The following ANK2 variants were observed in gnomAD, a reference collection of about 807,000 sequenced individuals.
ANK2 encodes the protein ankyrin 2, also known as ankyrin-2.
Under a neutral mutation model 360.5 loss-of-function variants are expected in ANK2, and 83 were observed. The observed-to-expected ratio is 0.23, with a 90% confidence interval of 0.19 to 0.28. The LOEUF (loss-of-function observed/expected upper bound fraction) is 0.28, where lower values mean the gene tolerates loss of function less well. Ranked by LOEUF, ANK2 falls within the 10% of genes least tolerant of loss-of-function variation. The probability of loss-of-function intolerance (pLI) is 1.00; values close to 1 mark genes in which losing one functional copy is unlikely to be tolerated. For synonymous variants in ANK2, 1,740 were observed against 1,759.5 expected (o/e 0.99, Z 0.28); for missense variants, 4,201 against 4,795.7 (o/e 0.88, Z 3.66).
chr4:113,311,136 C>A (rs2079745599), intron 23 of ANK2, 119 bp from the exon 24 acceptor site: 1 of 1,220,224 alleles, frequency 8.2e-7, no homozygotes, highest in Non-Finnish European at 1.2e-6. Context: ...TTCTAGTGTG[C>A]AGTGCAGTTT....
chr4:113,152,953 A>G (rs1377987707), intron 1 of ANK2, among the ~76,000 whole-genome samples: 5 of 152,194 alleles, frequency 3.3e-5, no homozygotes, highest in African/African-American at 4.8e-5. Context: ...AATAATTTCA[A>G]TGGTGGCTTT....
intron 2 of ANK2, among the ~76,000 whole-genome samples, chr4:112,942,998 C>A (rs1283077905): frequency 2.0e-5 from 3 of 152,008 alleles, no homozygotes; most frequent in East Asian, 3.9e-4. Flanking sequence ...AACTTGGTAA[C>A]CATCAATCGC....
intron 2 of ANK2, among the ~76,000 whole-genome samples, chr4:113,181,868 T>G (rs1280399670): frequency 6.6e-6 from 1 of 152,156 alleles, no homozygotes; most frequent in East Asian, 1.9e-4. Context: ...TTGGGTCATG[T>G]AAGGCCTTGT....
At chr4:113,250,434 A>G (rs1044654547) in intron 10 of ANK2, among the ~76,000 whole-genome samples, 1 of 152,218 alleles carries the variant, frequency 6.6e-6, no homozygotes, top group Middle Eastern at 3.2e-3. Context: ...TACTACATCT[A>G]GCCCTTTTTC....
At chr4:112,977,551 TTTTA>T (rs1388307129) in intron 2 of ANK2, among the ~76,000 whole-genome samples, 4 of 151,494 alleles carry the variant, frequency 2.6e-5, no homozygotes, top group East Asian at 1.9e-4. Flanking sequence ...TTAAAAAAAA[TTTTA>T]TTTATTTTTA....
At chr4:112,914,991 G>T (rs2089238733) in intron 2 of ANK2, among the ~76,000 whole-genome samples, 1 of 152,188 alleles carries the variant, frequency 6.6e-6, no homozygotes. Context: ...TGCCTCTGGG[G>T]CTGAGTCCCC....
chr4:112,784,326 A>G, the ANK2 span, among the ~76,000 whole-genome samples: 3 of 146,986 alleles, frequency 2.0e-5, no homozygotes, highest in South Asian at 6.5e-4. Flanking sequence ...TTGGGACTAC[A>G]GGCACGTGCC....
intron 1 of ANK2, among the ~76,000 whole-genome samples, chr4:113,163,881 G>A: frequency 6.7e-6 from 1 of 149,600 alleles, no homozygotes; most frequent in Non-Finnish European, 1.5e-5. Flanking sequence ...TATGTTCACA[G>A]AGTTGTGCGA....
intron 43 of ANK2, among the ~76,000 whole-genome samples, chr4:113,370,740 A>G (rs1432257515): frequency 6.6e-6 from 1 of 152,224 alleles, no homozygotes. Context: ...AGCCTGGGCG[A>G]CAGAGCAAGA....
At position 113,353,744 on chromosome 4, in the gene ANK2, A is replaced by G; in HGVS notation, c.5126A>G (p.Lys1709Arg). ...GIKKPVRRKL[K>R]EKQKQKEEGL... ...AAGAAGCCAGTAAGAAGGAAATTAA[A>G]AGAAAAGCAGAAACAAAAAGAGGAA... Residue 1709 changes from lysine to arginine, a missense_variant, in exon 38 of 46, where the codon AAA becomes AGA. Transcript: ENST00000357077. 1 of 1,613,806 alleles carries G rather than the reference A, an allele frequency of 6.2e-7. No homozygotes were observed. Among genetic ancestry groups the G allele is most frequent in the Non-Finnish European group, 8.5e-7 (1 of 1,179,940 alleles).
chr4:113,354,256 C>A lies in ANK2; in HGVS notation c.5638C>A (p.Pro1880Thr), dbSNP rs1262224136. The A allele has an allele frequency of 6.2e-7, 1 of 1,614,006 alleles. No homozygotes were observed. Among genetic ancestry groups the A allele is most frequent in the Non-Finnish European group, 8.5e-7 (1 of 1,180,004 alleles). The change falls in exon 38 of 46, where the codon CCT (proline) becomes ACT (threonine). Residue 1880 changes from proline (P) to threonine (T), a missense_variant. Physicochemically the swap from Pro to Thr is conservative, Grantham distance 38. Coordinates refer to ENST00000357077, the MANE Select transcript of ANK2 (RefSeq NM_001148.6). ...ATCGAGTAAAACTGAGAAACACTCA[C>A]CTGTATCACCCTCGACAAAAACTGA... is the stretch of plus-strand genomic sequence containing the variant. ...SSSSKTEKHS[P>T]VSPSTKTERH...
rs536262490 is a variant in ANK2, at chr4:112,883,018, C to CTTTTTTTTTTTTTTTTTT, written c.-39-21416_-39-21399dup. 1.3e-4 allele frequency among the ~76,000 whole-genome samples: 4 copies of CTTTTTTTTTTTTTTTTTT among 30,526 alleles called. 1 individual carries two copies. The highest frequency in any genetic ancestry group is 3.1e-4 in the African/African-American group (3 of 9,548). The allele number at this position is 30,526 out of a possible 152,430, so 20.0% of individuals were successfully genotyped here. On this transcript the variant is annotated intron_variant, in intron 1 of 30. Transcript: ENST00000503271. Reference sequence around the variant, plus strand: ...ACACTTTCTGGTTTACTTGGTTAGTCTTTTTTTTTTTTTTTTTTTTTTTTT... The same window carrying CTTTTTTTTTTTTTTTTTT: ...ACACTTTCTGGTTTACTTGGTTAGTCTTTTTTTTTTTTTTTTTTTTTTTTTTTTTTTTTTTTTTTTTTT...
intron 1 of ANK2, among the ~76,000 whole-genome samples, chr4:113,169,712 T>C (rs1190419090): frequency 4.6e-5 from 7 of 152,178 alleles, no homozygotes; most frequent in Admixed American, 4.6e-4. Flanking sequence ...TTTTAAAGTA[T>C]ATAAAAAATT....
At chr4:112,768,942 C>A in the ANK2 span, among the ~76,000 whole-genome samples, 1 of 152,162 alleles carries the variant, frequency 6.6e-6, no homozygotes, top group Non-Finnish European at 1.5e-5. Context: ...TCTATTGCTA[C>A]AATAATACTG....
intron 1 of ANK2, chr4:113,116,870 T>G: frequency 5.2e-6 from 1 of 193,310 alleles, no homozygotes; most frequent in Non-Finnish European, 1.1e-5. Flanking sequence ...TCTGGAGGAG[T>G]CCCCAAAGAC....
In ANK2 at chr4:113,365,094, C is replaced by T. The variant is rs1226499086; in HGVS notation, c.10944C>T (p.Leu3648=). ...TKINRMDIVH[L]METNTEPLQE... ...TCAACCGAATGGATATTGTTCATCT[C>T]ATGGAGACCAACACAGAACCTCTCC... Residue 3648 remains leucine (L), a synonymous_variant, in exon 41 of 46, where the codon CTC becomes CTT. Coordinates refer to ENST00000357077, the MANE Select transcript of ANK2 (RefSeq NM_001148.6). 6.2e-7 allele frequency: 1 copy of T among 1,614,026 alleles called. No homozygotes were observed. Among genetic ancestry groups the T allele is most frequent in the Non-Finnish European group, 8.5e-7 (1 of 1,179,950 alleles).
At position 113,367,943 on chromosome 4, in the gene ANK2, T is replaced by C; in HGVS notation, c.11318+92T>C. On this transcript the variant is annotated intron_variant, in intron 42 of 45. Transcript: ENST00000357077. ...TATATAAGCATAACTAGTTTTTAAA[T>C]ACTTTTTAAAATGACCCTACCAAAC... 2.0e-6 allele frequency: 3 copies of C among 1,477,646 alleles called. No homozygotes were observed. The South Asian group carries it at 3.5e-5, about 17-fold the overall frequency. 91.5% of individuals were successfully genotyped at this position (1,477,646 alleles called of 1,614,324 possible).
At chr4:113,251,682 C>G (rs543727550) in intron 10 of ANK2, among the ~76,000 whole-genome samples, 1 of 151,624 alleles carries the variant, frequency 6.6e-6, no homozygotes, top group East Asian at 1.9e-4. Flanking sequence ...CGGGGTTTCA[C>G]CGTGTTAGCC....
intron 28 of ANK2, 71 bp downstream of exon 28, chr4:113,332,141 C>T: frequency 2.2e-6 from 3 of 1,368,792 alleles, no homozygotes; most frequent in Non-Finnish European, 3.1e-6. Context: ...AATATGATTT[C>T]TCTTTTTTGT....
Sources: allele counts gnomAD v4.1 joint callset (sites outside exome capture counted in the v4.1 genomes callset), GRCh38; gene constraint gnomAD v4.1.1; transcripts MANE v1.5; gene names NCBI Gene and HGNC (gene_info 2026-07-23, HGNC 2026-07-21).